Variants in NFIA observed in about 807,000 individuals in gnomAD.
The protein encoded by NFIA is nuclear factor I A, also known as nuclear factor 1 A-type.
NFIA carries 8 observed loss-of-function variants against 62.8 expected under a neutral mutation model. The ratio of observed to expected loss-of-function variants is 0.13; its 90% CI spans 0.07 to 0.23. NFIA has a LOEUF of 0.23. NFIA is among the 10% of genes least tolerant of loss of function. The pLI is 1.00. For synonymous variants in NFIA, 235 were observed against 238.1 expected (o/e 0.99, Z 0.12); for missense variants, 410 against 642.1 (o/e 0.64, Z 3.91).
intron 3 of NFIA, among the ~76,000 whole-genome samples, chr1:61,320,701 G>A (rs1660636835): frequency 6.6e-6 from 1 of 152,100 alleles, no homozygotes; most frequent in South Asian, 2.1e-4. Flanking sequence ...TCCTCAGGTG[G>A]TTTAGCAAGC....
intron 2 of NFIA, among the ~76,000 whole-genome samples, chr1:61,227,304 T>G (rs1654393089): frequency 6.6e-6 from 1 of 152,214 alleles, no homozygotes; most frequent in Non-Finnish European, 1.5e-5. Flanking sequence ...CATTTGATTT[T>G]CCCTTTTTGT....
intron 2 of NFIA, among the ~76,000 whole-genome samples, chr1:61,237,980 G>A (rs1655105709): frequency 6.6e-6 from 1 of 152,166 alleles, no homozygotes; most frequent in South Asian, 2.1e-4. Context: ...AGTAAAATGA[G>A]TGCATCTAAT....
intron 2 of NFIA, among the ~76,000 whole-genome samples, chr1:61,257,861 G>GTTTTTTTTTTTTTTTTTTTTTTTT (rs58077067): frequency 3.2e-5 from 4 of 126,426 alleles, no homozygotes; most frequent in African/African-American, 8.9e-5. Flanking sequence ...ATGCTTAGCT[G>GTTTTTTTTTTTTTTTTTTTTTTTT]TTTTTTTTTT....
chr1:61,352,605 A>G (rs960504320), intron 5 of NFIA, 38 bp downstream of exon 5: 2 of 1,438,944 alleles, frequency 1.4e-6, no homozygotes, highest in Admixed American at 3.4e-5. Context: ...ATTATGCTAC[A>G]TGGTTGCACA....
intron 2 of NFIA, among the ~76,000 whole-genome samples, chr1:61,096,544 G>GTTTTTTTTTT (rs1570141914): frequency 3.3e-5 from 4 of 121,916 alleles, no homozygotes; most frequent in African/African-American, 1.3e-4. Flanking sequence ...GTCAAGATTA[G>GTTTTTTTTTT]TTCTTTTTTT....
At chr1:61,396,394 G>A (rs1665271185) in intron 7 of NFIA, among the ~76,000 whole-genome samples, 1 of 151,940 alleles carries the variant, frequency 6.6e-6, no homozygotes, top group South Asian at 2.1e-4. Flanking sequence ...ACAGGCACCT[G>A]CCACCACACC....
At chr1:61,186,282 C>A (rs1651173852) in intron 2 of NFIA, among the ~76,000 whole-genome samples, 1 of 136,446 alleles carries the variant, frequency 7.3e-6, no homozygotes, top group African/African-American at 3.1e-5. Context: ...TTCAGCCACT[C>A]AGAACCTCTG....
Position 61,360,684 on chromosome 1 carries a change from G to A in NFIA, c.946+1410G>A, listed in dbSNP as rs116612089. ...GCTCAGGGGATGTGACTATAAAGGTGTAGCACGGGGAAAATGTTGGGGTGA... is the reference window on the plus strand; with the variant it reads ...GCTCAGGGGATGTGACTATAAAGGTATAGCACGGGGAAAATGTTGGGGTGA... On this transcript the variant is annotated intron_variant, in intron 6 of 10. Coordinates refer to ENST00000403491, the MANE Select transcript of NFIA (RefSeq NM_001134673.4). Among the ~76,000 whole-genome samples, 556 of 152,280 alleles carry A rather than the reference G, an allele frequency of 3.7e-3. 3 individuals carry two copies. Among genetic ancestry groups the A allele is most frequent in the African/African-American group, 0.013 (523 of 41,568 alleles).
intron 2 of NFIA, among the ~76,000 whole-genome samples, chr1:61,142,707 C>G: frequency 6.6e-6 from 1 of 152,258 alleles, no homozygotes; most frequent in East Asian, 1.9e-4. Flanking sequence ...ACAGTAGATA[C>G]TAACTTTCAC....
intron 4 of NFIA, among the ~76,000 whole-genome samples, chr1:61,334,268 G>A (rs773837058): frequency 5.3e-5 from 8 of 152,052 alleles, no homozygotes; most frequent in Non-Finnish European, 8.8e-5. Flanking sequence ...ACTTGGAAGA[G>A]AGAGGTTGCT....
intron 3 of NFIA, among the ~76,000 whole-genome samples, chr1:61,286,639 A>T (rs1208523132): frequency 6.6e-6 from 1 of 152,204 alleles, no homozygotes. Flanking sequence ...CACTGAGCAA[A>T]ACAGAAAATC....
chr1:61,410,725 G>A (rs1269844129), intron 9 of NFIA, among the ~76,000 whole-genome samples: 1 of 151,992 alleles, frequency 6.6e-6, no homozygotes, highest in African/African-American at 2.4e-5. Flanking sequence ...TGGGCAATGT[G>A]GTGAAACCCC....
chr1:61,247,598 G>A (rs531680287), intron 2 of NFIA, among the ~76,000 whole-genome samples: 1 of 152,316 alleles, frequency 6.6e-6, no homozygotes, highest in South Asian at 2.1e-4. Context: ...AATGGGTGGG[G>A]GAAGAAAGTA....
In NFIA at chr1:61,461,760, A is replaced by G. The variant is rs1668539040; in HGVS notation, c.*6440A>G. 3 of 152,344 alleles carry G rather than the reference A, an allele frequency of 2.0e-5. No individual in the cohort carries two copies. In the South Asian group the frequency reaches 6.2e-4, roughly 32 times the overall value. The allele number at this position is 152,344 out of a possible 1,614,324, so 9.4% of individuals were successfully genotyped here. On this transcript the variant is annotated 3_prime_UTR_variant, in exon 11 of 11. Transcript: ENST00000403491. ...CAAAATGTGTCTGAACCACAAGAGCATACAGTGGAAGTGCTACCTCTAATC... is the reference window on the plus strand; with the variant it reads ...CAAAATGTGTCTGAACCACAAGAGCGTACAGTGGAAGTGCTACCTCTAATC...
intron 2 of NFIA, among the ~76,000 whole-genome samples, chr1:61,174,910 T>G (rs1236358757): frequency 6.6e-6 from 1 of 152,138 alleles, no homozygotes; most frequent in Non-Finnish European, 1.5e-5. Flanking sequence ...GATGATTTGT[T>G]TATTTGGGAA....
chr1:61,340,961 C>T (rs1485474188), intron 4 of NFIA, among the ~76,000 whole-genome samples: 3 of 151,808 alleles, frequency 2.0e-5, no homozygotes, highest in Non-Finnish European at 4.4e-5. Context: ...CCTAGGATAT[C>T]TCGTGGATAG....
chr1:61,130,085 A>G (rs942778844), intron 2 of NFIA, among the ~76,000 whole-genome samples: 2 of 152,042 alleles, frequency 1.3e-5, no homozygotes, highest in Non-Finnish European at 2.9e-5. Flanking sequence ...TGATTGCTTC[A>G]AGCATGATAG....
chr1:61,222,439 A>C (rs1054045600), intron 2 of NFIA, among the ~76,000 whole-genome samples: 1 of 152,084 alleles, frequency 6.6e-6, no homozygotes, highest in Admixed American at 6.6e-5. Context: ...ATCATCTGTT[A>C]CATGCAGATG....
At chr1:61,344,649 A>T (rs1289483805) in intron 4 of NFIA, among the ~76,000 whole-genome samples, 1 of 152,224 alleles carries the variant, frequency 6.6e-6, no homozygotes. Flanking sequence ...ATCTGGAATG[A>T]TGCCTGGCTC....
Sources: allele counts gnomAD v4.1 joint callset (sites outside exome capture counted in the v4.1 genomes callset), GRCh38; gene constraint gnomAD v4.1.1; transcripts MANE v1.5; gene names NCBI Gene and HGNC (gene_info 2026-07-23, HGNC 2026-07-21).